Variants in CEP128 observed in about 807,000 individuals in gnomAD.
The protein encoded by CEP128 is centrosomal protein 128.
A neutral mutation model predicts 156.7 loss-of-function variants in CEP128; 132 were observed. The observed-to-expected ratio is 0.84, with a 90% CI of 0.73 to 0.97. The LOEUF (loss-of-function observed/expected upper bound fraction) is 0.97. CEP128 is among the 50% of genes least tolerant of loss of function. CEP128 has a pLI of 0.00. For synonymous variants in CEP128, 469 were observed against 448.9 expected (o/e 1.04, Z -0.57); for missense variants, 1,252 against 1,281.9 (o/e 0.98, Z 0.36).
Position 80,793,115 on chromosome 14 carries a change from G to C in CEP128, c.1210-5C>G, listed in dbSNP as rs567140632. On this transcript the variant is annotated splice_polypyrimidine_tract_variant and splice_region_variant and intron_variant, in intron 13 of 24. Coordinates refer to ENST00000555265, the MANE Select transcript of CEP128 (RefSeq NM_152446.5). ...CTCCAGTTCACGTGTTAAATTCTAC[G>C]AATAAAGCATGCAAAACATTAGGAA... 1.1e-5 allele frequency: 17 copies of C among 1,601,770 alleles called. No individual in the cohort carries two copies. In the South Asian group the frequency reaches 1.9e-4, roughly 18 times the overall value.
intron 21 of CEP128, among the ~76,000 whole-genome samples, chr14:80,535,196 T>C (rs1012407191): frequency 3.3e-5 from 5 of 152,266 alleles, no homozygotes; most frequent in Non-Finnish European, 7.4e-5. Context: ...AAGAGATAGG[T>C]ACGTATTATT....
chr14:80,831,905 T>C (rs2140047036), intron 12 of CEP128, among the ~76,000 whole-genome samples: 1 of 152,318 alleles, frequency 6.6e-6, no homozygotes, highest in East Asian at 1.9e-4. Flanking sequence ...TCAATGAGCT[T>C]ACATCCTGAT....
chr14:80,958,438 T>C (rs1237672664), intron 1 of CEP128, among the ~76,000 whole-genome samples: 1 of 152,130 alleles, frequency 6.6e-6, no homozygotes, highest in Non-Finnish European at 1.5e-5. Flanking sequence ...CACACCAGTG[T>C]TCCCCTGATG....
At chr14:80,756,687 C>CT (rs1474965706) in intron 18 of CEP128, among the ~76,000 whole-genome samples, 1 of 152,126 alleles carries the variant, frequency 6.6e-6, no homozygotes, top group Non-Finnish European at 1.5e-5. Context: ...TTTATTCTCT[C>CT]TTTCTAGGCC....
In CEP128 at chr14:80,904,681, G is replaced by A. The variant is rs552058099; in HGVS notation, c.480+132C>T. The A allele has an allele frequency of 3.9e-5, 23 of 592,478 alleles. No individual in the cohort carries two copies. The South Asian group carries it at 5.8e-4, about 15-fold the overall frequency. 36.7% of individuals were successfully genotyped at this position (592,478 alleles called of 1,614,324 possible). The stretch of plus-strand genomic sequence containing the variant: ...AGTCGTTTACTTGGTTCCAAAAAAA[G>A]GGATCAGTATAAAGTTACTAATGAT... On this transcript the variant is annotated intron_variant, in intron 6 of 24. Coordinates refer to ENST00000555265, the MANE Select transcript of CEP128 (RefSeq NM_152446.5).
At chr14:80,587,567 G>C (rs921036519) in intron 19 of CEP128, among the ~76,000 whole-genome samples, 1 of 152,140 alleles carries the variant, frequency 6.6e-6, no homozygotes, top group Non-Finnish European at 1.5e-5. Context: ...ACAGAAAATA[G>C]CATAATAATC....
intron 19 of CEP128, among the ~76,000 whole-genome samples, chr14:80,619,568 G>C (rs1012958622): frequency 6.6e-6 from 1 of 151,716 alleles, no homozygotes; most frequent in Admixed American, 6.6e-5. Context: ...CAGGTGTGGT[G>C]GTGGGTGCCT....
At chr14:80,699,525 A>T (rs372646014) in intron 19 of CEP128, among the ~76,000 whole-genome samples, 2 of 152,280 alleles carry the variant, frequency 1.3e-5, no homozygotes, top group African/African-American at 4.8e-5. Flanking sequence ...TAAATTATGA[A>T]CAAAATTATT....
chr14:80,589,255 T>C (rs938286097), intron 19 of CEP128, among the ~76,000 whole-genome samples: 5 of 152,146 alleles, frequency 3.3e-5, no homozygotes, highest in African/African-American at 1.2e-4. Context: ...TTTTCATTCC[T>C]GACCTCCAGA....
intron 8 of CEP128, among the ~76,000 whole-genome samples, chr14:80,893,164 T>C (rs1889183326): frequency 6.6e-6 from 1 of 151,956 alleles, no homozygotes; most frequent in South Asian, 2.1e-4. Context: ...ATGAGATCTT[T>C]TCATTTACCA....
At chr14:80,729,058 GGTGTGT>G (rs559470308) in intron 19 of CEP128, among the ~76,000 whole-genome samples, 1,424 of 104,842 alleles carry the variant, frequency 0.014, 32 homozygotes, top group Admixed American at 0.019. Flanking sequence ...GGCTGGTGGG[GGTGTGT>G]GTGTGTGTGT....
At chr14:80,927,450 A>G (rs1885213051) in intron 2 of CEP128, among the ~76,000 whole-genome samples, 1 of 152,164 alleles carries the variant, frequency 6.6e-6, no homozygotes, top group South Asian at 2.1e-4. Flanking sequence ...CAGCCTTTCC[A>G]TAACACTTCA....
chr14:80,921,409 C>T (rs1182830449), intron 2 of CEP128, among the ~76,000 whole-genome samples: 2 of 152,172 alleles, frequency 1.3e-5, no homozygotes, highest in Non-Finnish European at 2.9e-5. Context: ...ACTCTGAAGA[C>T]AGTCCTCACC....
intron 20 of CEP128, 96 bp from the exon 21 acceptor site, chr14:80,559,398 A>G: frequency 1.1e-6 from 1 of 943,912 alleles, no homozygotes; most frequent in Non-Finnish European, 1.6e-6. Context: ...ACCATCTATT[A>G]TTAATAATTC....
chr14:80,743,097 A>T lies in CEP128; in HGVS notation c.2784T>A (p.Asp928Glu), dbSNP rs761119738. The T allele has an allele frequency of 8.1e-6, 13 of 1,613,532 alleles. No individual in the cohort carries two copies. The East Asian group carries it at 2.2e-4, about 28-fold the overall frequency. ...CACCTCTCTTCTCACGATGTATTTC[A>T]TCCAGAAGCTGCTCCTGCCTTTCTA... ...QQIERQEQLL[D>E]EIHREKRDLL... Residue 928 changes from aspartate (D) to glutamate (E), a missense_variant, in exon 19 of 25, where the codon GAT becomes GAA. Physicochemically the swap from Asp to Glu is conservative, Grantham distance 45. Transcript: ENST00000555265.
At chr14:80,865,817 T>C (rs950011068) in intron 8 of CEP128, among the ~76,000 whole-genome samples, 75 of 152,212 alleles carry the variant, frequency 4.9e-4, no homozygotes, top group African/African-American at 1.8e-3. Context: ...TAACAGGTCA[T>C]GACAAACTGA....
intron 4 of CEP128, among the ~76,000 whole-genome samples, chr14:80,906,902 T>C (rs893999821): frequency 1.3e-5 from 2 of 152,150 alleles, no homozygotes; most frequent in African/African-American, 4.8e-5. Flanking sequence ...TATTCAAGGA[T>C]GAATAGAAAG....
At chr14:80,946,368 TGCATCATGATGATGCCTCATGA>T (rs1886345190), upstream of CEP128, among the ~76,000 whole-genome samples, 5 of 141,462 alleles carry the variant, frequency 3.5e-5, no homozygotes, top group Admixed American at 2.7e-4. Context: ...TGCCTCATGA[TGCATCATGATGATGCCTCATGA>T]TGATTTCCCT....
intron 23 of CEP128, among the ~76,000 whole-genome samples, chr14:80,509,019 G>A (rs554674061): frequency 3.3e-5 from 5 of 152,028 alleles, no homozygotes; most frequent in African/African-American, 7.3e-5. Context: ...ACTTCACATG[G>A]CACCAGGAGA....
Sources: gnomAD v4.1 joint callset for allele counts (sites outside exome capture counted in the v4.1 genomes callset) on GRCh38, gnomAD v4.1.1 for gene constraint, MANE v1.5 for transcripts, NCBI Gene and HGNC (gene_info 2026-07-23, HGNC 2026-07-21) for gene names.